Variants in DCLK1 observed in about 807,000 individuals in gnomAD.
The protein encoded by DCLK1 is doublecortin like kinase 1.
DCLK1 carries 16 observed loss-of-function variants against 86.2 expected under a neutral mutation model. That is an observed-to-expected ratio of 0.19 (90% CI 0.13 to 0.28). The LOEUF (loss-of-function observed/expected upper bound fraction) is 0.28, where lower values mean the gene tolerates loss of function less well. DCLK1 is among the 10% of genes least tolerant of loss of function. DCLK1 has a pLI of 1.00. For synonymous variants in DCLK1, 369 were observed against 370.5 expected (o/e 1.00, Z 0.05); for missense variants, 590 against 940.2 (o/e 0.63, Z 4.87).
chr13:36,088,177 A>G (rs1396505417), intron 3 of DCLK1, among the ~76,000 whole-genome samples: 1 of 152,200 alleles, frequency 6.6e-6, no homozygotes, highest in Non-Finnish European at 1.5e-5. Flanking sequence ...TAGCAGGTTG[A>G]TGACTAGGAG....
chr13:35,848,303 G>C, intron 6 of DCLK1: 2 of 984,770 alleles, frequency 2.0e-6, no homozygotes, highest in Non-Finnish European at 2.4e-6. Context: ...GAAAACTTCT[G>C]TGTTTGTTGC....
chr13:36,030,046 G>A (rs780964513), intron 3 of DCLK1, among the ~76,000 whole-genome samples: 1 of 152,172 alleles, frequency 6.6e-6, no homozygotes, highest in Non-Finnish European at 1.5e-5. Context: ...AAACGCAGAG[G>A]CCAGGAACTC....
intron 3 of DCLK1, among the ~76,000 whole-genome samples, chr13:36,021,172 T>C (rs938650299): frequency 3.3e-5 from 5 of 151,774 alleles, no homozygotes; most frequent in African/African-American, 9.7e-5. Flanking sequence ...TGAAATTACA[T>C]TGGCATTATA....
At chr13:35,830,774 T>A (rs1270525668) in intron 8 of DCLK1, among the ~76,000 whole-genome samples, 1 of 152,160 alleles carries the variant, frequency 6.6e-6, no homozygotes, top group Non-Finnish European at 1.5e-5. Flanking sequence ...TTTGTGAGAC[T>A]GAAAAATAAA....
chr13:36,094,631 T>G (rs570176569), intron 3 of DCLK1, among the ~76,000 whole-genome samples: 1 of 152,332 alleles, frequency 6.6e-6, no homozygotes, highest in East Asian at 1.9e-4. Flanking sequence ...TTAAAGGGTA[T>G]TAAGACAAAT....
chr13:35,977,296 C>T (rs1306674546), intron 3 of DCLK1, among the ~76,000 whole-genome samples: 4 of 152,140 alleles, frequency 2.6e-5, no homozygotes, highest in Admixed American at 2.6e-4. Context: ...AAGTTTTCCC[C>T]CTGAGCAATC....
chr13:35,830,713 C>T (rs1410595350), intron 8 of DCLK1, among the ~76,000 whole-genome samples: 1 of 152,138 alleles, frequency 6.6e-6, no homozygotes. Context: ...GCACTGCCTG[C>T]CTGGGTAACC....
intron 3 of DCLK1, among the ~76,000 whole-genome samples, chr13:36,090,256 G>A (rs557615902): frequency 2.0e-5 from 3 of 152,322 alleles, no homozygotes; most frequent in Admixed American, 2.0e-4. Context: ...TCTCAGAGCA[G>A]CAAATGTAAG....
intron 3 of DCLK1, among the ~76,000 whole-genome samples, chr13:35,959,344 G>T (rs2153136910): frequency 6.6e-6 from 1 of 152,190 alleles, no homozygotes; most frequent in Non-Finnish European, 1.5e-5. Flanking sequence ...ACACAGTGAA[G>T]TGGGCCAGGC....
At chr13:35,890,467 G>C (rs1473461082) in intron 4 of DCLK1, among the ~76,000 whole-genome samples, 2 of 152,118 alleles carry the variant, frequency 1.3e-5, no homozygotes, top group Middle Eastern at 3.2e-3. Context: ...TGGATATATA[G>C]TAATTTACTT....
chr13:36,030,712 C>T (rs965184297), intron 3 of DCLK1, among the ~76,000 whole-genome samples: 1 of 152,046 alleles, frequency 6.6e-6, no homozygotes, highest in Non-Finnish European at 1.5e-5. Context: ...AAATATTATA[C>T]TCAAAGCAAA....
At chr13:36,066,925 T>C (rs1883773737) in intron 3 of DCLK1, among the ~76,000 whole-genome samples, 1 of 149,544 alleles carries the variant, frequency 6.7e-6, no homozygotes, top group Non-Finnish European at 1.5e-5. Context: ...CTGGAGAGGA[T>C]GTGGAGAAAT....
At chr13:35,928,538 T>G (rs1158573136) in intron 4 of DCLK1, among the ~76,000 whole-genome samples, 2 of 152,316 alleles carry the variant, frequency 1.3e-5, no homozygotes, top group Non-Finnish European at 2.9e-5. Context: ...CCTTCCCTAT[T>G]TCATTCTTCT....
intron 10 of DCLK1, among the ~76,000 whole-genome samples, chr13:35,827,034 G>C (rs1464522115): frequency 6.6e-6 from 1 of 152,194 alleles, no homozygotes; most frequent in Non-Finnish European, 1.5e-5. Context: ...ACAGGTAAGA[G>C]ACCTTTCATC....
At chr13:35,904,056 T>C (rs1183546440) in intron 4 of DCLK1, among the ~76,000 whole-genome samples, 2 of 152,068 alleles carry the variant, frequency 1.3e-5, no homozygotes, top group African/African-American at 4.8e-5. Flanking sequence ...TACTTTTTTT[T>C]TTTTAAAGTT....
At chr13:36,088,245 G>A (rs914284545) in intron 3 of DCLK1, among the ~76,000 whole-genome samples, 1 of 152,190 alleles carries the variant, frequency 6.6e-6, no homozygotes, top group Non-Finnish European at 1.5e-5. Flanking sequence ...GGCTGGTGCT[G>A]CAGACCATAT....
chr13:35,828,224 C>G, intron 9 of DCLK1, 26 bp downstream of exon 9: 1 of 1,587,606 alleles, frequency 6.3e-7, no homozygotes, highest in Non-Finnish European at 8.6e-7. Context: ...ACACTCTTAT[C>G]TCATAAGAAC....
intron 3 of DCLK1, among the ~76,000 whole-genome samples, chr13:36,094,576 T>C (rs1158125497): frequency 6.6e-6 from 1 of 152,204 alleles, no homozygotes; most frequent in Non-Finnish European, 1.5e-5. Flanking sequence ...AATTCCTTTT[T>C]AAGGAAAAAG....
At chr13:35,844,580 C>T (rs1430056887) in intron 6 of DCLK1, among the ~76,000 whole-genome samples, 1 of 152,184 alleles carries the variant, frequency 6.6e-6, no homozygotes, top group African/African-American at 2.4e-5. Context: ...GGAAGCAGCC[C>T]AGGAAGTCAT....
Sources: allele counts gnomAD v4.1 joint callset (sites outside exome capture counted in the v4.1 genomes callset), GRCh38; gene constraint gnomAD v4.1.1; transcripts MANE v1.5; gene names NCBI Gene and HGNC (gene_info 2026-07-23, HGNC 2026-07-21).